Variants in HABP4 observed in about 807,000 individuals in gnomAD.
HABP4 encodes intracellular hyaluronan-binding protein 4.
In HABP4, 32 loss-of-function variants were observed where a neutral mutation model predicts 44.1. The observed-to-expected ratio is 0.73, with a 90% CI of 0.55 to 0.97. The LOEUF is 0.97. Among genes scored for constraint, HABP4 ranks in the 50% least tolerant of loss-of-function variants. The pLI, the probability that HABP4 is intolerant of heterozygous loss-of-function variation, is 0.00. For missense variants in HABP4, 503 were observed against 561.9 expected (o/e 0.90, Z 1.06); for synonymous variants, 216 against 218.0 (o/e 0.99, Z 0.08).
Position 96,488,189 on chromosome 9 carries a change from C to G in HABP4, c.1100C>G (p.Pro367Arg). 1 of 1,613,400 alleles carries G rather than the reference C, an allele frequency of 6.2e-7. No individual in the cohort carries two copies. The highest frequency in any genetic ancestry group is 8.5e-7 in the Non-Finnish European group (1 of 1,179,290). Reference protein sequence around the residue: ...LEINFGNLPRPGRGARGGTRG... With the variant: ...LEINFGNLPRRGRGARGGTRG... ...ATTAATTTTGGTAACCTCCCTCGTC[C>G]TGGGCGTGGAGCCAGAGGAGGCACC... The change falls in exon 7 of 8, where the codon CCT becomes CGT. Residue 367 changes from proline to arginine, a missense_variant. Physicochemically the swap from Pro to Arg is moderately radical, Grantham distance 103. Around this residue, in one of 3 missense-constraint regions of HABP4, gnomAD observed 82 missense variants for 71.6 expected, o/e 1.15. Coordinates refer to ENST00000375249, the MANE Select transcript of HABP4 (RefSeq NM_014282.4). The surrounding 1 kb of genome is among the most constrained non-coding windows in gnomAD (Gnocchi z 4.6).
At chr9:96,464,355 C>T (rs1287336567) in intron 2 of HABP4, among the ~76,000 whole-genome samples, 1 of 152,020 alleles carries the variant, frequency 6.6e-6, no homozygotes, top group Non-Finnish European at 1.5e-5. Context: ...CCAGCCTGGG[C>T]AACAGAGCAA....
chr9:96,462,951 G>T (rs538127832), intron 2 of HABP4, among the ~76,000 whole-genome samples: 102 of 152,062 alleles, frequency 6.7e-4, no homozygotes, highest in African/African-American at 2.3e-3. Context: ...CTTTTCTTTT[G>T]TTTTAGAACT....
chr9:96,461,465 A>G (rs1314269887), intron 2 of HABP4, among the ~76,000 whole-genome samples: 1 of 152,108 alleles, frequency 6.6e-6, no homozygotes, highest in African/African-American at 2.4e-5. Flanking sequence ...TTGGAGCCTA[A>G]GGAAAAATTC....
chr9:96,475,641 A>G (rs1162197800), intron 5 of HABP4, among the ~76,000 whole-genome samples: 1 of 152,212 alleles, frequency 6.6e-6, no homozygotes, highest in Non-Finnish European at 1.5e-5. Flanking sequence ...AGTGGTAGGA[A>G]TAGCAAAAAG....
intron 5 of HABP4, among the ~76,000 whole-genome samples, chr9:96,479,259 C>A (rs1832836428): frequency 6.6e-6 from 1 of 152,098 alleles, no homozygotes; most frequent in Admixed American, 6.6e-5. Flanking sequence ...AAAACAGTCA[C>A]AGCATTACCA....
chr9:96,484,048 A>ACGCT (rs1308449092), intron 5 of HABP4: 1 of 153,988 alleles, frequency 6.5e-6, no homozygotes, highest in Non-Finnish European at 1.4e-5. Context: ...AAACTCATTA[A>ACGCT]AGAGGATATT....
rs554174383 is a variant in HABP4 at position 96,457,571 on chromosome 9, A to G, written c.350-808A>G. On this transcript the variant is annotated intron_variant, in intron 1 of 7. Transcript: ENST00000375249. Reference sequence around the variant, plus strand: ...TAAAAATATAAGCACTACAAACTTTAAAAACAAAAACCTTGGCCAGGCGCT... The same window carrying G: ...TAAAAATATAAGCACTACAAACTTTGAAAACAAAAACCTTGGCCAGGCGCT... Among the ~76,000 whole-genome samples the G allele has an allele frequency of 4.6e-5, 7 of 152,370 alleles. No individual in the cohort carries two copies. In the South Asian group the frequency reaches 1.4e-3, roughly 32 times the overall value.
intron 2 of HABP4, among the ~76,000 whole-genome samples, chr9:96,462,986 C>CT (rs1243717383): frequency 6.6e-6 from 1 of 151,982 alleles, no homozygotes; most frequent in Non-Finnish European, 1.5e-5. Flanking sequence ...TTTTTTTGCT[C>CT]TGTTTCCCAG....
At position 96,450,624 on chromosome 9, in the gene HABP4, G is replaced by T. The variant is rs774722794; in HGVS notation, c.345G>T (p.Ala115=). The change falls in exon 1 of 8, where the codon GCG becomes GCT. Residue 115 remains alanine (A), a synonymous_variant. Coordinates refer to ENST00000375249, the MANE Select transcript of HABP4 (RefSeq NM_014282.4). The surrounding 1 kb of genome is among the most constrained non-coding windows in gnomAD (Gnocchi z 4.8). ...RPDSPGGGLQ[A]PGQKRTPRRG... ...ATAGCCCCGGGGGCGGCCTGCAGGC[G>T]CCGGGTACGCGGGGACAGCGGGGTT... The T allele has an allele frequency of 1.6e-5, 20 of 1,263,512 alleles. No individual in the cohort carries two copies. The highest frequency in any genetic ancestry group is 3.1e-5 in the East Asian group (1 of 32,014). 78.3% of individuals were successfully genotyped at this position (1,263,512 alleles called of 1,614,324 possible).
chr9:96,489,505 T>C (rs1242334029), intron 7 of HABP4, among the ~76,000 whole-genome samples: 1 of 151,480 alleles, frequency 6.6e-6, no homozygotes, highest in African/African-American at 2.4e-5. Flanking sequence ...GAGAACCTTC[T>C]CTTCCCACAA....
At chr9:96,464,310 G>A (rs746082024) in intron 2 of HABP4, among the ~76,000 whole-genome samples, 5 of 152,178 alleles carry the variant, frequency 3.3e-5, no homozygotes, top group Admixed American at 6.5e-5. Flanking sequence ...GGGGCCAGGC[G>A]GATGTGGCAT....
At chr9:96,454,951 A>G (rs1299143121) in intron 1 of HABP4, among the ~76,000 whole-genome samples, 1 of 151,522 alleles carries the variant, frequency 6.6e-6, no homozygotes, top group Non-Finnish European at 1.5e-5. Flanking sequence ...TGTCTCTACA[A>G]AAAAAAATTT....
chr9:96,468,671 C>T (rs1027607766), intron 4 of HABP4, among the ~76,000 whole-genome samples: 2 of 152,244 alleles, frequency 1.3e-5, no homozygotes, highest in Non-Finnish European at 1.5e-5. Context: ...AGACTGCAGG[C>T]GTGAGCCACC....
intron 2 of HABP4, among the ~76,000 whole-genome samples, chr9:96,463,172 C>T (rs1045482688): frequency 1.3e-5 from 2 of 152,142 alleles, no homozygotes; most frequent in Non-Finnish European, 2.9e-5. Flanking sequence ...TCTCGAACTC[C>T]TGGGCCCAAG....
At chr9:96,461,326 A>AT (rs377043493) in intron 2 of HABP4, among the ~76,000 whole-genome samples, 33 of 150,280 alleles carry the variant, frequency 2.2e-4, no homozygotes, top group South Asian at 4.2e-4. Flanking sequence ...CATCTGAGGG[A>AT]TTTTTTTTTT....
At chr9:96,453,439 G>A (rs1446119952) in intron 1 of HABP4, among the ~76,000 whole-genome samples, 2 of 148,024 alleles carry the variant, frequency 1.4e-5, no homozygotes, top group Non-Finnish European at 3.1e-5. Context: ...TTGAACTCCT[G>A]ACCTCAGGTG....
At chr9:96,479,511 AT>A (rs201923795) in intron 5 of HABP4, among the ~76,000 whole-genome samples, 68 of 146,402 alleles carry the variant, frequency 4.6e-4, no homozygotes, top group Middle Eastern at 3.6e-3. Flanking sequence ...GAAAAACATG[AT>A]TTTTTTTTTT....
chr9:96,484,360 C>T (rs1199029056), intron 5 of HABP4, 102 bp from the exon 6 acceptor site: 1 of 599,448 alleles, frequency 1.7e-6, no homozygotes, highest in Non-Finnish European at 3.0e-6. Flanking sequence ...AAATGCAGTA[C>T]CACAAAAATA....
At chr9:96,484,930 G>A (rs755308398) in intron 6 of HABP4, among the ~76,000 whole-genome samples, 1 of 152,210 alleles carries the variant, frequency 6.6e-6, no homozygotes, top group Non-Finnish European at 1.5e-5. Context: ...TTTCTCAAGG[G>A]AGAGTTACAG....
Sources: gnomAD v4.1 joint callset for allele counts (sites outside exome capture counted in the v4.1 genomes callset) on GRCh38, gnomAD v4.1.1 for gene constraint, gnomAD v4.1.1 regional missense constraint, Gnocchi (gnomAD v3.1) non-coding constraint, MANE v1.5 for transcripts, NCBI Gene and HGNC (gene_info 2026-07-23, HGNC 2026-07-21) for gene names.